The following GSTCD variants were observed in gnomAD, a reference collection of about 807,000 sequenced individuals.
GSTCD encodes the protein glutathione S-transferase C-terminal domain-containing protein.
Under a neutral mutation model 68.3 loss-of-function variants are expected in GSTCD, and 44 were observed. The ratio of observed to expected loss-of-function variants is 0.64; its 90% CI spans 0.51 to 0.83. GSTCD has a LOEUF of 0.83. Ranked by LOEUF, GSTCD falls within the 40% of genes least tolerant of loss-of-function variation. The probability of loss-of-function intolerance (pLI) is 0.00; values close to 1 mark genes in which losing one functional copy is unlikely to be tolerated. For synonymous variants in GSTCD, 273 were observed against 255.2 expected, an observed-to-expected ratio of 1.07 and a Z score of -0.67; for missense variants, 739 against 735.9, an observed-to-expected ratio of 1.00 and a Z score of -0.05.
intron 9 of GSTCD, among the ~76,000 whole-genome samples, chr4:105,835,781 G>C (rs1430512888): frequency 6.6e-6 from 1 of 152,148 alleles, no homozygotes; most frequent in Non-Finnish European, 1.5e-5. Flanking sequence ...GGAAGAATGA[G>C]GTACACAGAC....
chr4:105,758,379 T>C (rs1001901962), intron 5 of GSTCD, among the ~76,000 whole-genome samples: 2 of 152,200 alleles, frequency 1.3e-5, no homozygotes, highest in Admixed American at 6.5e-5. Context: ...GTTTGGGTCA[T>C]AGGGGCAGAT....
chr4:105,814,860 G>A (rs1159794975), intron 5 of GSTCD, among the ~76,000 whole-genome samples: 1 of 152,122 alleles, frequency 6.6e-6, no homozygotes, highest in Admixed American at 6.6e-5. Flanking sequence ...TGTAAAGTTA[G>A]GATCCTTAGA....
At chr4:105,739,397 C>T (rs777920351) in intron 5 of GSTCD, among the ~76,000 whole-genome samples, 10 of 152,158 alleles carry the variant, frequency 6.6e-5, no homozygotes, top group Non-Finnish European at 1.5e-4. Flanking sequence ...AGAATTCCCT[C>T]CTCTTCAATT....
At chr4:105,709,703 A>G (rs774590713) in intron 1 of GSTCD, among the ~76,000 whole-genome samples, 2 of 152,168 alleles carry the variant, frequency 1.3e-5, no homozygotes, top group Admixed American at 6.5e-5. Flanking sequence ...ATTCCTTGTC[A>G]TAAATTCTTG....
At chr4:105,778,599 T>A (rs548784764) in intron 5 of GSTCD, among the ~76,000 whole-genome samples, 2 of 152,080 alleles carry the variant, frequency 1.3e-5, no homozygotes, top group Non-Finnish European at 2.9e-5. Flanking sequence ...TTGAGAGAAA[T>A]CTATATAAGT....
At chr4:105,820,796 A>G (rs1723246786) in intron 5 of GSTCD, among the ~76,000 whole-genome samples, 2 of 151,892 alleles carry the variant, frequency 1.3e-5, no homozygotes, top group African/African-American at 4.8e-5. Flanking sequence ...ATATGCAAAG[A>G]TGCAGTATTA....
chr4:105,772,674 T>C (rs907934498), intron 5 of GSTCD, among the ~76,000 whole-genome samples: 2 of 152,224 alleles, frequency 1.3e-5, no homozygotes, highest in African/African-American at 2.4e-5. Flanking sequence ...GATTTGCATA[T>C]GTTGAACCAG....
chr4:105,759,193 G>A (rs1162902928), intron 5 of GSTCD, among the ~76,000 whole-genome samples: 3 of 152,078 alleles, frequency 2.0e-5, no homozygotes, highest in Non-Finnish European at 4.4e-5. Context: ...ACAACATAGA[G>A]CCTGAGCTCT....
At chr4:105,782,705 C>T (rs1270102211) in intron 5 of GSTCD, among the ~76,000 whole-genome samples, 3 of 151,962 alleles carry the variant, frequency 2.0e-5, no homozygotes, top group Admixed American at 6.6e-5. Flanking sequence ...GCCTCAGGTC[C>T]CCTAGTAGCT....
intron 7 of GSTCD, among the ~76,000 whole-genome samples, chr4:105,824,041 T>G (rs998091472): frequency 1.3e-5 from 2 of 152,172 alleles, no homozygotes; most frequent in Non-Finnish European, 2.9e-5. Context: ...TTCTGTTTGT[T>G]TTTGTTTTGT....
chr4:105,799,050 C>A (rs977094184), intron 5 of GSTCD, among the ~76,000 whole-genome samples: 2 of 152,218 alleles, frequency 1.3e-5, no homozygotes, highest in Non-Finnish European at 2.9e-5. Flanking sequence ...CTTGCTGTTT[C>A]ATCTTGCACT....
rs143572809 is a variant in GSTCD at position 105,780,047 on chromosome 4, C to G, written c.1241-42907C>G. On this transcript the variant is annotated intron_variant, in intron 5 of 11. Coordinates refer to ENST00000515279, the MANE Select transcript of GSTCD (RefSeq NM_001370181.1). ...GCAGTGCATATGTTGAATCTAATTA[C>G]ATGTTTCATATTGCTCCTTGCCAAC... Among the ~76,000 whole-genome samples the G allele has an allele frequency of 2.4e-3, 370 of 152,274 alleles. 2 individuals are homozygous for G. The highest frequency in any genetic ancestry group is 8.6e-3 in the African/African-American group (359 of 41,548).
intron 5 of GSTCD, among the ~76,000 whole-genome samples, chr4:105,787,488 C>G (rs1460789063): frequency 6.6e-6 from 1 of 152,014 alleles, no homozygotes; most frequent in African/African-American, 2.4e-5. Flanking sequence ...TTAACAGTGA[C>G]CACAGGTGAT....
intron 5 of GSTCD, among the ~76,000 whole-genome samples, chr4:105,773,004 G>T (rs1247270122): frequency 1.3e-5 from 2 of 152,050 alleles, no homozygotes; most frequent in Non-Finnish European, 2.9e-5. Context: ...TTTTTGGTTG[G>T]TAGGCTATTA....
intron 5 of GSTCD, among the ~76,000 whole-genome samples, chr4:105,821,349 A>G (rs548349932): frequency 1.3e-5 from 2 of 152,032 alleles, no homozygotes; most frequent in African/African-American, 4.8e-5. Flanking sequence ...TAGATGCTTG[A>G]AAGTTGTCAT....
At chr4:105,738,746 G>A (rs532576252) in intron 5 of GSTCD, among the ~76,000 whole-genome samples, 1 of 152,092 alleles carries the variant, frequency 6.6e-6, no homozygotes, top group African/African-American at 2.4e-5. Flanking sequence ...GAGCTCTTTG[G>A]TAGGTTTTTC....
At chr4:105,776,613 TTCA>T (rs1560823838) in intron 5 of GSTCD, among the ~76,000 whole-genome samples, 1 of 152,120 alleles carries the variant, frequency 6.6e-6, no homozygotes, top group Non-Finnish European at 1.5e-5. Context: ...CACCTTGCAC[TTCA>T]TCGGTGAGGC....
chr4:105,818,006 A>C (rs1450808053), intron 5 of GSTCD, among the ~76,000 whole-genome samples: 2 of 151,940 alleles, frequency 1.3e-5, no homozygotes, highest in African/African-American at 4.8e-5. Flanking sequence ...ACTTTTATTG[A>C]GAACCTTTTA....
At chr4:105,806,536 C>T (rs1372466466) in intron 5 of GSTCD, among the ~76,000 whole-genome samples, 1 of 152,020 alleles carries the variant, frequency 6.6e-6, no homozygotes, top group African/African-American at 2.4e-5. Context: ...ATCCAAGTCT[C>T]TATGTTTTTG....
Sources: allele counts gnomAD v4.1 joint callset (sites outside exome capture counted in the v4.1 genomes callset), GRCh38; gene constraint gnomAD v4.1.1; transcripts MANE v1.5; gene names NCBI Gene and HGNC (gene_info 2026-07-23, HGNC 2026-07-21).